The following IFNAR2 variants were observed in gnomAD, a reference collection of about 807,000 sequenced individuals.
The protein encoded by IFNAR2 is interferon alpha/beta receptor 2.
A neutral mutation model predicts 49.4 loss-of-function variants in IFNAR2; 30 were observed. The ratio of observed to expected loss-of-function variants is 0.61; its 90% CI spans 0.45 to 0.82. IFNAR2 has a LOEUF of 0.82. Among genes scored for constraint, IFNAR2 ranks in the 40% least tolerant of loss-of-function variants. The pLI, the probability that IFNAR2 is intolerant of heterozygous loss-of-function variation, is 0.00. For missense variants in IFNAR2, 600 were observed against 622.7 expected (o/e 0.96, Z 0.39); for synonymous variants, 224 against 234.5 (o/e 0.96, Z 0.41).
intron 7 of IFNAR2, among the ~76,000 whole-genome samples, chr21:33,258,398 G>A (rs1988353783): frequency 6.6e-6 from 1 of 152,178 alleles, no homozygotes. Context: ...GGGGCCATGA[G>A]CAAAGGAATG....
intron 7 of IFNAR2, among the ~76,000 whole-genome samples, chr21:33,258,677 G>C (rs1380165800): frequency 1.3e-5 from 2 of 152,190 alleles, no homozygotes; most frequent in African/African-American, 4.8e-5. Context: ...CATATGCGGG[G>C]TTCAGCAAGT....
At chr21:33,243,529 T>G in intron 2 of IFNAR2, 144 bp from the exon 3 acceptor site, 1 of 712,420 alleles carries the variant, frequency 1.4e-6, no homozygotes. Flanking sequence ...GTAAAAACCA[T>G]CTATGTGGGC....
chr21:33,262,148 C>T (rs1331776326), intron 8 of IFNAR2, among the ~76,000 whole-genome samples: 10 of 152,020 alleles, frequency 6.6e-5, no homozygotes, highest in Admixed American at 2.6e-4. Context: ...AGGTAGATCA[C>T]GAGGTCGGGA....
At chr21:33,251,488 G>A (rs1301628214) in intron 6 of IFNAR2, 2 of 921,418 alleles carry the variant, frequency 2.2e-6, no homozygotes, top group African/African-American at 3.6e-5. Context: ...TTCTTCCAAG[G>A]AATTTTTCCA....
Position 33,247,773 on chromosome 21 carries a change from C to T in IFNAR2, c.394+883C>T, listed in dbSNP as rs1362866137. Among the ~76,000 whole-genome samples the T allele has an allele frequency of 3.9e-5, 6 of 152,210 alleles. No homozygotes were observed. The East Asian group carries it at 7.7e-4, about 20-fold the overall frequency. ...GTTACTTTTTCAATTTCCCACTTTA[C>T]AACGAGTTTCCAAGAGAACCATCTG... On this transcript the variant is annotated intron_variant, in intron 5 of 8. Coordinates refer to ENST00000342136, the MANE Select transcript of IFNAR2 (RefSeq NM_001289125.3).
chr21:33,254,774 C>A (rs915817060), intron 7 of IFNAR2, among the ~76,000 whole-genome samples: 2 of 152,118 alleles, frequency 1.3e-5, no homozygotes, highest in African/African-American at 2.4e-5. Context: ...ATCTTACATG[C>A]ATTGATTGAT....
At chr21:33,247,447 A>C (rs1374112083) in intron 5 of IFNAR2, among the ~76,000 whole-genome samples, 1 of 151,026 alleles carries the variant, frequency 6.6e-6, no homozygotes, top group Non-Finnish European at 1.5e-5. Flanking sequence ...GAAATGTTTC[A>C]CCATGTTGGC....
chr21:33,262,590 A>G lies in IFNAR2; in HGVS notation c.841-203A>G, dbSNP rs542683710. 4 of 743,914 alleles carry G rather than the reference A, an allele frequency of 5.4e-6. No individual in the cohort carries two copies. In the South Asian group the frequency reaches 5.7e-5, roughly 11 times the overall value. 46.1% of individuals were successfully genotyped at this position (743,914 alleles called of 1,614,324 possible). ...AAGGTCTCGCTAAGGGCTGGAATGC[A>G]GTGGCTATTCACAGGTGCAGTCATA... On this transcript the variant is annotated intron_variant, in intron 8 of 8. Transcript: ENST00000342136.
At position 33,261,833 on chromosome 21, in the gene IFNAR2, G is replaced by A. The variant is rs113651916; in HGVS notation, c.841-960G>A. 9.9e-3 allele frequency among the ~76,000 whole-genome samples: 1,508 copies of A among 152,180 alleles called. 22 individuals carry two copies. The highest frequency in any genetic ancestry group is 0.033 in the African/African-American group (1,364 of 41,490). ...GGAGGCTGCAGTGAGCTGTGATTGC[G>A]CCACTGCACTCCAGCCTCGGTTACA... On this transcript the variant is annotated intron_variant, in intron 8 of 8. Transcript: ENST00000342136.
chr21:33,246,686 A>G, intron 4 of IFNAR2, 32 bp from the exon 5 acceptor site: 1 of 1,588,796 alleles, frequency 6.3e-7, no homozygotes, highest in Non-Finnish European at 8.6e-7. Flanking sequence ...CAATGCTAAC[A>G]ATTTCCTTTT....
intron 6 of IFNAR2, chr21:33,252,336 G>C: frequency 3.1e-6 from 2 of 640,464 alleles, no homozygotes; most frequent in Non-Finnish European, 4.7e-6. Flanking sequence ...GACACACACT[G>C]TCCATGAGAG....
intron 1 of IFNAR2, among the ~76,000 whole-genome samples, chr21:33,236,305 C>T (rs1986449973): frequency 6.6e-6 from 1 of 152,138 alleles, no homozygotes; most frequent in African/African-American, 2.4e-5. Flanking sequence ...TCTAGGCATC[C>T]CCCTCCTGCT....
Position 33,243,692 on chromosome 21 carries a change from T to G in IFNAR2, c.75T>G (p.Phe25Leu), listed in dbSNP as rs774056629. ...LVLMVYISLV[F>L]GISYDSPDYT... ...TTCTAGTGTATATCAGCCTCGTGTT[T>G]GGTATTTCATATGATTCGCCTGGTA... The change falls in exon 3 of 9, where the codon TTT (phenylalanine) becomes TTG (leucine). Residue 25 changes from phenylalanine (F) to leucine (L), a missense_variant. By Grantham distance (22) the Phe-to-Leu change is conservative. Coordinates refer to ENST00000342136, the MANE Select transcript of IFNAR2 (RefSeq NM_001289125.3). 4 of 1,613,422 alleles carry G rather than the reference T, an allele frequency of 2.5e-6. No homozygotes were observed. The highest frequency in any genetic ancestry group is 1.3e-5 in the African/African-American group (1 of 74,910).
rs1220301420 is a variant in IFNAR2 at position 33,237,290 on chromosome 21, G to T, written c.-83-4550G>T. ...CTCACATCCATAATCCAAGCCCTTT[G>T]TGGGGCTGAGGCCGGAGGATCACTT... On this transcript the variant is annotated intron_variant, in intron 1 of 8. Transcript: ENST00000342136. 2.6e-5 allele frequency among the ~76,000 whole-genome samples: 4 copies of T among 152,078 alleles called. No individual in the cohort carries two copies. The East Asian group carries it at 7.7e-4, about 29-fold the overall frequency.
At chr21:33,236,334 C>G (rs528151913) in intron 1 of IFNAR2, among the ~76,000 whole-genome samples, 1 of 152,332 alleles carries the variant, frequency 6.6e-6, no homozygotes, top group East Asian at 1.9e-4. Context: ...CTCGATCCAG[C>G]CTGGGGCAGG....
intron 1 of IFNAR2, among the ~76,000 whole-genome samples, chr21:33,236,437 C>G (rs1477586338): frequency 6.6e-6 from 1 of 152,212 alleles, no homozygotes; most frequent in Admixed American, 6.5e-5. Context: ...CTTTACGTCT[C>G]TGCCTCAGAT....
In IFNAR2 at chr21:33,259,029, C is replaced by G. The variant is rs538008367; in HGVS notation, c.710-1568C>G. Among the ~76,000 whole-genome samples, 64 of 152,248 alleles carry G rather than the reference C, an allele frequency of 4.2e-4. 1 individual carries two copies. The highest frequency in any genetic ancestry group is 1.4e-3 in the African/African-American group (58 of 41,538). ...GAGACTGATGTTAGTCATCGCCAGT[C>G]TTTTCATAAAGTTCTTTATCTTTTC... On this transcript the variant is annotated intron_variant, in intron 7 of 8. Coordinates refer to ENST00000342136, the MANE Select transcript of IFNAR2 (RefSeq NM_001289125.3).
At chr21:33,256,272 T>C (rs537672116) in intron 7 of IFNAR2, among the ~76,000 whole-genome samples, 81 of 152,376 alleles carry the variant, frequency 5.3e-4, no homozygotes, top group African/African-American at 1.6e-3. Flanking sequence ...GAATGCGTCA[T>C]GTTGCACATC....
chr21:33,263,779 A>G lies in IFNAR2; in HGVS notation c.*279A>G, dbSNP rs1414427468. 3 of 395,292 alleles carry G rather than the reference A, an allele frequency of 7.6e-6. No homozygotes were observed. Among genetic ancestry groups the G allele is most frequent in the East Asian group, 4.8e-5 (1 of 20,678 alleles). 24.5% of individuals were successfully genotyped at this position (395,292 alleles called of 1,614,324 possible). Reference sequence around the variant, plus strand: ...AATGCACTTAGGATGTTTCTGCATCATGTCTACCAGGGAGCAGGGTTCCCC... The same window carrying G: ...AATGCACTTAGGATGTTTCTGCATCGTGTCTACCAGGGAGCAGGGTTCCCC... On this transcript the variant is annotated 3_prime_UTR_variant, in exon 9 of 9. Transcript: ENST00000342136.
Sources: gnomAD v4.1 joint callset for allele counts (sites outside exome capture counted in the v4.1 genomes callset) on GRCh38, gnomAD v4.1.1 for gene constraint, MANE v1.5 for transcripts, NCBI Gene and HGNC (gene_info 2026-07-23, HGNC 2026-07-21) for gene names.